Variants in NR1H2 observed in about 807,000 individuals in gnomAD.
NR1H2 encodes nuclear receptor subfamily 1 group H member 2.
A neutral mutation model predicts 51.2 loss-of-function variants in NR1H2; 33 were observed. The ratio of observed to expected loss-of-function variants is 0.64; its 90% CI spans 0.49 to 0.86. NR1H2 has a LOEUF of 0.86. Among genes scored for constraint, NR1H2 ranks in the 40% least tolerant of loss-of-function variants. The pLI is 0.00. For missense variants in NR1H2, 592 were observed against 639.9 expected (o/e 0.93, Z 0.81); for synonymous variants, 310 against 264.3 (o/e 1.17, Z -1.68).
chr19:50,377,433 G>A (rs1252146236), intron 2 of NR1H2, 154 bp from the exon 3 acceptor site: 3 of 588,124 alleles, frequency 5.1e-6, no homozygotes, highest in Middle Eastern at 2.9e-4. Context: ...AGAAGGATGG[G>A]GAGGGTTTGT....
rs766937327 is a variant in NR1H2 at position 50,378,224 on chromosome 19, T to C, written c.257T>C (p.Leu86Pro). The C allele has an allele frequency of 1.2e-6, 2 of 1,613,630 alleles. No homozygotes were observed. Among genetic ancestry groups the C allele is most frequent in the Admixed American group, 3.3e-5 (2 of 60,028 alleles). Reference protein sequence around the residue: ...GPAPKMLGHELCRVCGDKASG... With the variant: ...GPAPKMLGHEPCRVCGDKASG... Reference sequence around the variant, plus strand: ...GCCCCGAAGATGCTGGGCCACGAGCTTTGCCGTGTCTGTGGGGACAAGGCC... The same window carrying C: ...GCCCCGAAGATGCTGGGCCACGAGCCTTGCCGTGTCTGTGGGGACAAGGCC... The change falls in exon 5 of 10, where the codon CTT becomes CCT. Residue 86 changes from leucine (L) to proline (P), a missense_variant. By Grantham distance (98) the Leu-to-Pro change is moderately conservative (BLOSUM62 -3). Coordinates refer to ENST00000253727, the MANE Select transcript of NR1H2 (RefSeq NM_007121.7).
At chr19:50,377,127 G>A (rs2123641748) in intron 2 of NR1H2, 1 of 156,856 alleles carries the variant, frequency 6.4e-6, no homozygotes, top group East Asian at 1.9e-4. Context: ...GGAGGCCCAT[G>A]ATGGGGGCTT....
Position 50,379,186 on chromosome 19 carries a change from T to C in NR1H2, c.927+5T>C, listed in dbSNP as rs563889767. 9.3e-6 allele frequency: 15 copies of C among 1,606,996 alleles called. No individual in the cohort carries two copies. Among genetic ancestry groups the C allele is most frequent in the Middle Eastern group, 1.7e-4 (1 of 6,026 alleles). ...CTGAAGGCATCCACTATCGAGGTAA[T>C]GGTCCATCTGCCCACAAGGAACCCC... On this transcript the variant is annotated splice_donor_5th_base_variant and intron_variant, in intron 7 of 9. Coordinates refer to ENST00000253727, the MANE Select transcript of NR1H2 (RefSeq NM_007121.7).
Position 50,377,578 on chromosome 19 carries a change from A to G in NR1H2, c.-19-9A>G, listed in dbSNP as rs751400181. 6.2e-7 allele frequency: 1 copy of G among 1,611,598 alleles called. No individual in the cohort carries two copies. Among genetic ancestry groups the G allele is most frequent in the South Asian group, 1.1e-5 (1 of 90,976 alleles). On this transcript the variant is annotated splice_polypyrimidine_tract_variant and intron_variant, in intron 2 of 9. Coordinates refer to ENST00000253727, the MANE Select transcript of NR1H2 (RefSeq NM_007121.7). ...CCCCACAAGGCTCTCAATCCCCTGT[A>G]TTCTACAGGCTGCTCCGTGACCCCA...
chr19:50,383,163 C>T lies in NR1H2; in HGVS notation c.*561C>T, dbSNP rs560881031. 4.6e-5 allele frequency among the ~76,000 whole-genome samples: 7 copies of T among 152,202 alleles called. No individual in the cohort carries two copies. The highest frequency in any genetic ancestry group is 1.9e-4 in the East Asian group (1 of 5,180). On this transcript the variant is annotated 3_prime_UTR_variant, in exon 10 of 10. Coordinates refer to ENST00000253727, the MANE Select transcript of NR1H2 (RefSeq NM_007121.7). ...AGGGTCCCAGTGTTGGGTGGTGTGT[C>T]GCCTGCTGTGAAAGTTCAGGACAGA... is the stretch of plus-strand genomic sequence containing the variant.
rs2037696549 is a variant in NR1H2, at chr19:50,377,973, TC to T, written c.181+104del. The stretch of plus-strand genomic sequence containing the variant: ...GGAGGCCCTGATCTTTGCTTTTTGT[TC>T]TTGCTTTCTCCTTAACATATACATC... On this transcript the variant is annotated intron_variant, in intron 4 of 9. Transcript: ENST00000253727. The T allele has an allele frequency of 2.1e-6, 3 of 1,460,850 alleles. No homozygotes were observed. The East Asian group carries it at 6.9e-5, about 33-fold the overall frequency. 90.5% of individuals were successfully genotyped at this position (1,460,850 alleles called of 1,614,324 possible).
In NR1H2 at chr19:50,382,121, C is replaced by T; in HGVS notation, c.1183C>T (p.Gln395Ter). The T allele has an allele frequency of 1.3e-6, 2 of 1,544,976 alleles. No homozygotes were observed. The highest frequency in any genetic ancestry group is 8.7e-7 in the Non-Finnish European group (1 of 1,146,842). Reference protein sequence around the residue: ...VQEPGRVEALQQPYVEALLSY... With the variant: ...VQEPGRVEAL Reference sequence around the variant, plus strand: ...GGAGCCGGGCCGCGTGGAGGCGTTGCAGCAGCCCTACGTGGAGGCGCTGCT... The same window carrying T: ...GGAGCCGGGCCGCGTGGAGGCGTTGTAGCAGCCCTACGTGGAGGCGCTGCT... The change falls in exon 9 of 10, where the codon CAG becomes TAG. Residue 395 changes from glutamine to a stop codon, truncating the protein, a stop_gained. Transcript: ENST00000253727. LOFTEE classifies it high-confidence loss of function.
intron 8 of NR1H2, among the ~76,000 whole-genome samples, chr19:50,381,714 G>A (rs2037768268): frequency 6.6e-6 from 1 of 152,236 alleles, no homozygotes; most frequent in African/African-American, 2.4e-5. Context: ...GGTGGGAAGG[G>A]AGGGTGGTGA....
chr19:50,377,965 C>CT lies in NR1H2; in HGVS notation c.181+100dup, dbSNP rs368758324. On this transcript the variant is annotated intron_variant, in intron 4 of 9. Coordinates refer to ENST00000253727, the MANE Select transcript of NR1H2 (RefSeq NM_007121.7). ...TGGGAATGGGAGGCCCTGATCTTTG[C>CT]TTTTTGTTCTTGCTTTCTCCTTAAC... 427 of 1,470,674 alleles carry CT rather than the reference C, an allele frequency of 2.9e-4. 3 individuals are homozygous for CT. The African/African-American group carries it at 5.5e-3, about 19-fold the overall frequency. The allele number at this position is 1,470,674 out of a possible 1,614,324, so 91.1% of individuals were successfully genotyped here.
intron 8 of NR1H2, among the ~76,000 whole-genome samples, chr19:50,381,450 C>T (rs1238983770): frequency 6.6e-6 from 1 of 152,246 alleles, no homozygotes; most frequent in African/African-American, 2.4e-5. Context: ...GGCTGGGCCT[C>T]TTCCTAATGT....
rs993701646 is a variant in NR1H2, at chr19:50,382,467, C to T, written c.1248C>T (p.Arg416=). The change falls in exon 10 of 10, where the codon CGC becomes CGT. Residue 416 remains arginine (R), a synonymous_variant. Coordinates refer to ENST00000253727, the MANE Select transcript of NR1H2 (RefSeq NM_007121.7). The stretch of plus-strand genomic sequence containing the variant: ...GCCTCCTCCCTCAGGACCAGCTGCG[C>T]TTCCCGCGCATGCTCATGAAGCTGG... ...TRIKRPQDQL[R]FPRMLMKLVS... is the part of the protein sequence containing the mutation. 1.2e-6 allele frequency: 2 copies of T among 1,603,204 alleles called. No individual in the cohort carries two copies.
intron 9 of NR1H2, 69 bp from the exon 10 acceptor site, chr19:50,382,387 G>C (rs934553690): frequency 2.6e-6 from 4 of 1,520,320 alleles, no homozygotes; most frequent in Non-Finnish European, 1.8e-6. Context: ...CCTCCTTTCT[G>C]TTGGGGTGGG....
Position 50,383,365 on chromosome 19 carries a change from CAATA to C in NR1H2, c.*767_*770del, listed in dbSNP as rs1329831218. Reference sequence around the variant, plus strand: ...CATTCTAGAGATGGAGACATTCACCCAATAAATGTTTCCAGAGCATTAACTACAG... The same window carrying C: ...CATTCTAGAGATGGAGACATTCACCCAATGTTTCCAGAGCATTAACTACAG... On this transcript the variant is annotated 3_prime_UTR_variant, in exon 10 of 10. Transcript: ENST00000253727. Among the ~76,000 whole-genome samples the C allele has an allele frequency of 2.0e-5, 3 of 152,218 alleles. No homozygotes were observed. Among genetic ancestry groups the C allele is most frequent in the East Asian group, 1.9e-4 (1 of 5,204 alleles).
chr19:50,382,016 C>A lies in NR1H2; in HGVS notation c.1078C>A (p.Arg360=). 2 of 1,568,480 alleles carry A rather than the reference C, an allele frequency of 1.3e-6. No homozygotes were observed. Among genetic ancestry groups the A allele is most frequent in the East Asian group, 2.4e-5 (1 of 42,278 alleles). Residue 360 remains arginine, a synonymous_variant, in exon 9 of 10, where the codon CGG becomes AGG. Transcript: ENST00000253727. The part of the protein sequence containing the change: ...NPIFEFSRAM[R]RLGLDDAEYA... ...CATCTTCGAGTTCTCGCGGGCCATG[C>A]GGCGGCTGGGCCTGGACGACGCTGA...
In NR1H2 at chr19:50,377,741, C is replaced by T; in HGVS notation, c.52C>T (p.Pro18Ser). 1 of 1,605,436 alleles carries T rather than the reference C, an allele frequency of 6.2e-7. No homozygotes were observed. The highest frequency in any genetic ancestry group is 8.5e-7 in the Non-Finnish European group (1 of 1,175,598). ...SLDTPLPGNGPPQPGAPSSSP... is the reference protein window; with the variant it reads ...SLDTPLPGNGSPQPGAPSSSP... The stretch of plus-strand genomic sequence containing the variant: ...ATTCCACCCTCTTCCAGGAAATGGC[C>T]CCCCTCAGCCTGGCGCCCCTTCTTC... Residue 18 changes from proline to serine, a missense_variant, in exon 4 of 10, where the codon CCC (proline) becomes TCC (serine). Pro to Ser is a moderately conservative substitution (Grantham distance 74). This residue lies in a region of NR1H2 where 316 missense variants were observed against 313.4 expected (regional missense o/e 1.01). Transcript: ENST00000253727.
At chr19:50,382,414 A>G (rs1180958466) in intron 9 of NR1H2, 42 bp from the exon 10 acceptor site, 2 of 1,549,026 alleles carry the variant, frequency 1.3e-6, no homozygotes, top group African/African-American at 1.4e-5. Context: ...AAAGCCTGGC[A>G]GGGCAGGGGC....
Position 50,382,065 on chromosome 19 carries a change from A to G in NR1H2, c.1127A>G (p.Asn376Ser). ...DAEYALLIAI[N>S]IFSADRPNVQ... ...GAGTACGCCCTGCTCATCGCCATCAACATCTTCTCGGCCGACCGGCCCAAC... is the reference window on the plus strand; with the variant it reads ...GAGTACGCCCTGCTCATCGCCATCAGCATCTTCTCGGCCGACCGGCCCAAC... The change falls in exon 9 of 10, where the codon AAC becomes AGC. Residue 376 changes from asparagine to serine, a missense_variant. Physicochemically the swap from Asn to Ser is conservative, Grantham distance 46. Transcript: ENST00000253727. 1.3e-6 allele frequency: 2 copies of G among 1,556,720 alleles called. No individual in the cohort carries two copies. Among genetic ancestry groups the G allele is most frequent in the Non-Finnish European group, 1.7e-6 (2 of 1,150,486 alleles).
rs2037780477 is a variant in NR1H2, at chr19:50,382,181, C to A, written c.1236+7C>A. 1.3e-6 allele frequency: 2 copies of A among 1,521,414 alleles called. No individual in the cohort carries two copies. Among genetic ancestry groups the A allele is most frequent in the Non-Finnish European group, 1.8e-6 (2 of 1,138,246 alleles). The allele number at this position is 1,521,414 out of a possible 1,614,324, so 94.2% of individuals were successfully genotyped here. A position where few individuals can be genotyped will look rare whatever the true frequency, so the allele number is the denominator to read the frequency against. On this transcript the variant is annotated splice_region_variant and intron_variant, in intron 9 of 9. Transcript: ENST00000253727. ...GCGCATCAAGAGGCCGCAGGTAGGGCCCCGCAGAGCCTCTGCGCAGAGCCA... is the reference window on the plus strand; with the variant it reads ...GCGCATCAAGAGGCCGCAGGTAGGGACCCGCAGAGCCTCTGCGCAGAGCCA...
intron 4 of NR1H2, 24 bp from the exon 5 acceptor site, chr19:50,378,125 A>G (rs1220209068): frequency 1.3e-6 from 2 of 1,591,126 alleles, no homozygotes; most frequent in Non-Finnish European, 1.7e-6. Context: ...TGGCTTTCTC[A>G]TGGCCTCTAC....
Sources: allele counts gnomAD v4.1 joint callset (sites outside exome capture counted in the v4.1 genomes callset), GRCh38; gene constraint gnomAD v4.1.1; regional missense constraint gnomAD v4.1.1; transcripts MANE v1.5; gene names NCBI Gene and HGNC (gene_info 2026-07-23, HGNC 2026-07-21).